The following FAM120A variants were observed in gnomAD, a reference collection of about 807,000 sequenced individuals.
FAM120A encodes the protein family with sequence similarity 120 member A.
A neutral mutation model predicts 109.7 loss-of-function variants in FAM120A; 15 were observed. That is an observed-to-expected ratio of 0.14 (90% confidence interval 0.09 to 0.21). The LOEUF (loss-of-function observed/expected upper bound fraction) is 0.21, where lower values mean the gene tolerates loss of function less well. Ranked by LOEUF, FAM120A falls within the 10% of genes least tolerant of loss-of-function variation. The pLI, the probability that FAM120A is intolerant of heterozygous loss-of-function variation, is 1.00. For synonymous variants in FAM120A, 493 were observed against 572.8 expected (o/e 0.86, Z 1.99); for missense variants, 899 against 1,439.3 (o/e 0.62, Z 6.07).
rs114453780 is a variant in FAM120A, at chr9:93,558,062, A to G, written c.2668+52A>G. On this transcript the variant is annotated intron_variant, in intron 14 of 17. Transcript: ENST00000277165. Reference sequence around the variant, plus strand: ...GGGTAACAGATGCCAGATTCCTGTAAAGAAAGTGCAGCCCTTATAGGCAAG... The same window carrying G: ...GGGTAACAGATGCCAGATTCCTGTAGAGAAAGTGCAGCCCTTATAGGCAAG... The G allele has an allele frequency of 8.1e-4, 1,212 of 1,490,604 alleles. 8 individuals carry two copies. In the African/African-American group the frequency reaches 0.013, roughly 16 times the overall value. The allele number at this position is 1,490,604 out of a possible 1,614,324, so 92.3% of individuals were successfully genotyped here. A position where few individuals can be genotyped will look rare whatever the true frequency, so the allele number is the denominator to read the frequency against.
chr9:93,556,495 T>C lies in FAM120A; in HGVS notation c.2388T>C (p.Cys796=). The change falls in exon 13 of 18, where the codon TGT becomes TGC. Residue 796 remains cysteine, a synonymous_variant. Transcript: ENST00000277165. ...ACGQPIPWEH[C]CPWMYFDGKL... is the part of the protein sequence containing the mutation. ...GACAGCCAATCCCCTGGGAACACTG[T>C]TGTCCTTGGATGTATTTTGATGGGA... 1 of 1,614,198 alleles carries C rather than the reference T, an allele frequency of 6.2e-7. No homozygotes were observed. Among genetic ancestry groups the C allele is most frequent in the Non-Finnish European group, 8.5e-7 (1 of 1,180,014 alleles).
At chr9:93,521,889 A>C (rs1290834681) in intron 7 of FAM120A, among the ~76,000 whole-genome samples, 1 of 152,148 alleles carries the variant, frequency 6.6e-6, no homozygotes, top group Non-Finnish European at 1.5e-5. Context: ...GAAGTTCAAG[A>C]CCAACATGGT....
At chr9:93,485,767 A>G (rs1332927117) in intron 3 of FAM120A, among the ~76,000 whole-genome samples, 2 of 149,598 alleles carry the variant, frequency 1.3e-5, no homozygotes, top group East Asian at 1.9e-4. Flanking sequence ...AAAAGAAGCC[A>G]TGTCCGCTTC....
intron 1 of FAM120A, among the ~76,000 whole-genome samples, chr9:93,467,257 C>CA (rs1288127789): frequency 2.2e-5 from 2 of 90,054 alleles, no homozygotes; most frequent in African/African-American, 6.8e-5. Flanking sequence ...CCCCCCCCCC[C>CA]CTTTTCCCCC....
chr9:93,544,446 T>C (rs745318344), intron 11 of FAM120A, among the ~76,000 whole-genome samples: 13 of 152,244 alleles, frequency 8.5e-5, no homozygotes, highest in Non-Finnish European at 1.5e-4. Context: ...TATGGGTAGA[T>C]ACTGTTGACG....
At chr9:93,476,810 A>G (rs1002164165) in intron 3 of FAM120A, among the ~76,000 whole-genome samples, 3 of 152,134 alleles carry the variant, frequency 2.0e-5, no homozygotes, top group African/African-American at 7.2e-5. Flanking sequence ...CATTTGTACT[A>G]TTTTATTAAA....
At chr9:93,492,242 A>C (rs557571229) in intron 3 of FAM120A, among the ~76,000 whole-genome samples, 1 of 152,136 alleles carries the variant, frequency 6.6e-6, no homozygotes, top group Non-Finnish European at 1.5e-5. Flanking sequence ...TTAACTTCTC[A>C]TACATATATG....
intron 5 of FAM120A, among the ~76,000 whole-genome samples, chr9:93,507,576 A>G (rs909986030): frequency 6.6e-6 from 1 of 152,168 alleles, no homozygotes. Flanking sequence ...GAAGCGGAGG[A>G]TAAAGAGATG....
At chr9:93,542,281 A>G (rs1265557017) in intron 10 of FAM120A, among the ~76,000 whole-genome samples, 1 of 152,224 alleles carries the variant, frequency 6.6e-6, no homozygotes, top group Non-Finnish European at 1.5e-5. Context: ...TGTTTATTCA[A>G]CTAAAGTGAA....
chr9:93,466,715 AC>A (rs1858037622), intron 1 of FAM120A, among the ~76,000 whole-genome samples: 1 of 151,542 alleles, frequency 6.6e-6, no homozygotes, highest in Non-Finnish European at 1.5e-5. Context: ...TTGTTTCTGT[AC>A]CCACCTATGT....
Position 93,564,745 on chromosome 9 carries a change from A to C in FAM120A, c.*205A>C, listed in dbSNP as rs1862581851. ...CAGTTGTAGTCAAAATGCTACAATA[A>C]AACAAAAAAGAGAAAGAAAATGAAG... is the stretch of plus-strand genomic sequence containing the variant. On this transcript the variant is annotated 3_prime_UTR_variant, in exon 18 of 18. Transcript: ENST00000277165. 4.2e-6 allele frequency: 2 copies of C among 475,798 alleles called. No individual in the cohort carries two copies. Among genetic ancestry groups the C allele is most frequent in the African/African-American group, 2.0e-5 (1 of 50,798 alleles). 29.5% of individuals were successfully genotyped at this position (475,798 alleles called of 1,614,324 possible). A position where few individuals can be genotyped will look rare whatever the true frequency, so the allele number is the denominator to read the frequency against.
chr9:93,532,105 A>G lies in FAM120A; in HGVS notation c.1735-50A>G. On this transcript the variant is annotated intron_variant, in intron 9 of 17. Coordinates refer to ENST00000277165, the MANE Select transcript of FAM120A (RefSeq NM_014612.5). The surrounding 1 kb of genome is among the most constrained non-coding windows in gnomAD (Gnocchi z 4.3). The stretch of plus-strand genomic sequence containing the variant: ...AGTATATTTCTGTGAGTGTATTGTA[A>G]ATTCAACATGAAAAATGTGCAATGT... 6.5e-7 allele frequency: 1 copy of G among 1,548,032 alleles called. No homozygotes were observed. Among genetic ancestry groups the G allele is most frequent in the Non-Finnish European group, 8.9e-7 (1 of 1,124,604 alleles).
At chr9:93,506,533 G>C (rs1860063455) in intron 5 of FAM120A, among the ~76,000 whole-genome samples, 1 of 150,170 alleles carries the variant, frequency 6.7e-6, no homozygotes, top group African/African-American at 2.4e-5. Flanking sequence ...GTCTCCTCTA[G>C]TATCTTTTTG....
chr9:93,519,498 C>T (rs1046343945), intron 7 of FAM120A, among the ~76,000 whole-genome samples: 11 of 152,112 alleles, frequency 7.2e-5, no homozygotes, highest in African/African-American at 2.7e-4. Context: ...CCACCTCGGC[C>T]TCCCAAAGTG....
chr9:93,453,233 C>T (rs1030127730), intron 1 of FAM120A: 1 of 996,020 alleles, frequency 1.0e-6, no homozygotes, highest in South Asian at 4.4e-5. Context: ...TGACCTTCAG[C>T]GGTGCCCTGA....
chr9:93,549,005 C>T (rs530717616), intron 11 of FAM120A, among the ~76,000 whole-genome samples: 4 of 151,886 alleles, frequency 2.6e-5, no homozygotes, highest in Admixed American at 6.6e-5. Flanking sequence ...ATCATGCCAC[C>T]GCACTCCAGC....
intron 1 of FAM120A, chr9:93,453,588 A>G (rs1395220161): frequency 1.0e-6 from 1 of 985,290 alleles, no homozygotes; most frequent in Non-Finnish European, 1.2e-6. Context: ...GCCTAAAATG[A>G]TAGCGGAAGT....
rs1193501667 is a variant in FAM120A at position 93,558,812 on chromosome 9, C to A, written c.2806+94C>A. 6.3e-6 allele frequency: 9 copies of A among 1,420,458 alleles called. No homozygotes were observed. The Admixed American group carries it at 1.4e-4, about 22-fold the overall frequency. The allele number at this position is 1,420,458 out of a possible 1,614,324, so 88.0% of individuals were successfully genotyped here. A position where few individuals can be genotyped will look rare whatever the true frequency, so the allele number is the denominator to read the frequency against. The stretch of plus-strand genomic sequence containing the variant: ...TTCCTTCCTCTACTGTCCTCATGAG[C>A]CCCTCCTCCAGCAGAACGGCCTTTC... On this transcript the variant is annotated intron_variant, in intron 15 of 17. Coordinates refer to ENST00000277165, the MANE Select transcript of FAM120A (RefSeq NM_014612.5).
chr9:93,495,513 A>T (rs1323450241), intron 3 of FAM120A, among the ~76,000 whole-genome samples: 1 of 152,228 alleles, frequency 6.6e-6, no homozygotes, highest in Non-Finnish European at 1.5e-5. Context: ...GAGGGGAATG[A>T]TAGAGAAGTC....
Sources: gnomAD v4.1 joint callset for allele counts (sites outside exome capture counted in the v4.1 genomes callset) on GRCh38, gnomAD v4.1.1 for gene constraint, Gnocchi (gnomAD v3.1) non-coding constraint, MANE v1.5 for transcripts, NCBI Gene and HGNC (gene_info 2026-07-23, HGNC 2026-07-21) for gene names.